BMPR2: variants seen among roughly 807,000 people sequenced by gnomAD.
The protein encoded by BMPR2 is bone morphogenetic protein receptor type 2, also known as bone morphogenetic protein receptor type-2.
In BMPR2, 29 loss-of-function variants were observed where a neutral mutation model predicts 100.8. That is an observed-to-expected ratio of 0.29 (90% confidence interval 0.21 to 0.39). The LOEUF (loss-of-function observed/expected upper bound fraction) is 0.39, where lower values mean the gene tolerates loss of function less well. Among genes scored for constraint, BMPR2 ranks in the 10% least tolerant of loss-of-function variants. The pLI, the probability that BMPR2 is intolerant of heterozygous loss-of-function variation, is 1.00. For missense variants in BMPR2, 1,011 were observed against 1,274.5 expected (o/e 0.79, Z 3.15); for synonymous variants, 382 against 442.3 (o/e 0.86, Z 1.71).
chr2:202,389,299 G>C (rs1053216390), intron 1 of BMPR2, among the ~76,000 whole-genome samples: 1 of 151,728 alleles, frequency 6.6e-6, no homozygotes, highest in African/African-American at 2.4e-5. Context: ...AGGCCAGGGC[G>C]GGCAGATCAT....
intron 5 of BMPR2, among the ~76,000 whole-genome samples, chr2:202,516,145 T>C (rs1444284931): frequency 2.0e-5 from 3 of 152,182 alleles, no homozygotes; most frequent in Non-Finnish European, 4.4e-5. Context: ...TGAGTGTTTT[T>C]ATATTTATTA....
rs1473204940 is a variant in BMPR2, at chr2:202,376,331, C to G, written c.-1144C>G. Among the ~76,000 whole-genome samples the G allele has an allele frequency of 2.7e-5, 4 of 146,660 alleles. No homozygotes were observed. Among genetic ancestry groups the G allele is most frequent in the Non-Finnish European group, 6.0e-5 (4 of 66,392 alleles). On this transcript the variant is annotated 5_prime_UTR_variant, in exon 1 of 13. Transcript: ENST00000374580. ...CCGCAGACTGGCAGCTGCGGCGACT[C>G]CCCCCTTTGTGTCTGGTCTGCTCGG... is the stretch of plus-strand genomic sequence containing the variant.
chr2:202,391,417 C>G (rs1690546869), intron 1 of BMPR2, among the ~76,000 whole-genome samples: 1 of 151,786 alleles, frequency 6.6e-6, no homozygotes, highest in African/African-American at 2.4e-5. Context: ...GTGATCCTCC[C>G]ACCTCAGCCT....
chr2:202,417,448 A>G (rs745336804), intron 1 of BMPR2, among the ~76,000 whole-genome samples: 4 of 151,948 alleles, frequency 2.6e-5, no homozygotes, highest in Admixed American at 6.6e-5. Flanking sequence ...GATTACAGGC[A>G]TGCGCCACCA....
At chr2:202,522,506 CA>C (rs770945860) in intron 7 of BMPR2, among the ~76,000 whole-genome samples, 413 of 107,276 alleles carry the variant, frequency 3.8e-3, no homozygotes, top group Middle Eastern at 0.013. Context: ...GACTCCCTCT[CA>C]AAAAAAAAAA....
rs1267099610 is a variant in BMPR2 at position 202,495,734 on chromosome 2, CAT to C, written c.419-17984_419-17983del. ...CACTGTTCCCTTCCCAGCACTATAA[CAT>C]GTTTAAAATGTTTTAAAACTTTTTT... On this transcript the variant is annotated intron_variant, in intron 3 of 12. Coordinates refer to ENST00000374580, the MANE Select transcript of BMPR2 (RefSeq NM_001204.7). The surrounding 1 kb of genome is among the most constrained non-coding windows in gnomAD (Gnocchi z 4.5). Among the ~76,000 whole-genome samples the C allele has an allele frequency of 2.2e-4, 33 of 152,274 alleles. No individual in the cohort carries two copies. The highest frequency in any genetic ancestry group is 7.7e-4 in the African/African-American group (32 of 41,560).
At chr2:202,523,256 A>G (rs1687851621) in intron 7 of BMPR2, among the ~76,000 whole-genome samples, 1 of 152,238 alleles carries the variant, frequency 6.6e-6, no homozygotes, top group Non-Finnish European at 1.5e-5. Flanking sequence ...GACTGGAGAA[A>G]GCGGAACACT....
At chr2:202,540,959 C>G (rs563393974) in intron 9 of BMPR2, among the ~76,000 whole-genome samples, 3 of 151,966 alleles carry the variant, frequency 2.0e-5, no homozygotes, top group Admixed American at 1.3e-4. Flanking sequence ...GAGTGTTGGT[C>G]CCAGGGGTCT....
intron 1 of BMPR2, among the ~76,000 whole-genome samples, chr2:202,379,730 A>T (rs1436062223): frequency 6.6e-6 from 1 of 152,250 alleles, no homozygotes; most frequent in Admixed American, 6.5e-5. Flanking sequence ...AATAAATCCT[A>T]GAAGACTGAT....
chr2:202,394,062 A>G (rs1472485694), intron 1 of BMPR2, among the ~76,000 whole-genome samples: 1 of 151,712 alleles, frequency 6.6e-6, no homozygotes, highest in African/African-American at 2.4e-5. Flanking sequence ...ATAAAAGATT[A>G]CTCCTGGCCG....
intron 9 of BMPR2, among the ~76,000 whole-genome samples, chr2:202,537,585 A>G (rs1293766701): frequency 6.6e-6 from 1 of 152,110 alleles, no homozygotes; most frequent in Non-Finnish European, 1.5e-5. Context: ...AGTTCTAGAA[A>G]TGGTTAGTAG....
rs1388262017 is a variant in BMPR2, at chr2:202,376,347, G to A, written c.-1128G>A. 6.8e-6 allele frequency among the ~76,000 whole-genome samples: 1 copy of A among 147,398 alleles called. No homozygotes were observed. Among genetic ancestry groups the A allele is most frequent in the East Asian group, 2.1e-4 (1 of 4,702 alleles). ...GCGGCGACTCCCCCCTTTGTGTCTG[G>A]TCTGCTCGGAGCCACTGGAAGTGCC... On this transcript the variant is annotated 5_prime_UTR_variant, in exon 1 of 13. Transcript: ENST00000374580.
At position 202,421,761 on chromosome 2, in the gene BMPR2, C is replaced by T. The variant is rs945865910; in HGVS notation, c.77-43048C>T. 4.7e-5 allele frequency among the ~76,000 whole-genome samples: 7 copies of T among 148,642 alleles called. No individual in the cohort carries two copies. In the East Asian group the frequency reaches 1.4e-3, roughly 29 times the overall value. On this transcript the variant is annotated intron_variant, in intron 1 of 12. Transcript: ENST00000374580. ...TAAAAAAAAAAAAAAGTCACTTCCA[C>T]TAGAAGATTCATAGATGTTGGGAAA...
intron 1 of BMPR2, among the ~76,000 whole-genome samples, chr2:202,457,555 TATATATAGAG>T (rs769704616): frequency 0.029 from 2,850 of 99,906 alleles, 89 homozygotes; most frequent in African/African-American, 0.11. Flanking sequence ...TATATATATA[TATATATAGAG>T]AGAGAGAGAG....
chr2:202,558,887 C>T (rs1440005466), intron 12 of BMPR2, among the ~76,000 whole-genome samples: 1 of 119,880 alleles, frequency 8.3e-6, no homozygotes, highest in Non-Finnish European at 1.8e-5. Flanking sequence ...AATGAAACTC[C>T]ATCTCAAAAA....
intron 1 of BMPR2, among the ~76,000 whole-genome samples, chr2:202,402,971 G>A (rs1690797283): frequency 6.6e-6 from 1 of 151,468 alleles, no homozygotes; most frequent in Non-Finnish European, 1.5e-5. Flanking sequence ...TGGGATTACA[G>A]GCATGCGCCA....
At chr2:202,542,563 A>ACAATGC in intron 10 of BMPR2, 116 bp downstream of exon 10, 6 of 1,228,104 alleles carry the variant, frequency 4.9e-6, no homozygotes, top group Non-Finnish European at 6.9e-6. Flanking sequence ...GCCTAATGCC[A>ACAATGC]CAAATCAAAC....
chr2:202,471,835 A>G (rs1337777026), intron 3 of BMPR2, among the ~76,000 whole-genome samples: 2 of 152,168 alleles, frequency 1.3e-5, no homozygotes, highest in South Asian at 2.1e-4. Context: ...GAGAATAACC[A>G]TATTCTTAGG....
chr2:202,508,070 CTATTATTATTATTATTATTATTATTAT>C (rs4032712), intron 3 of BMPR2, among the ~76,000 whole-genome samples: 1 of 139,774 alleles, frequency 7.2e-6, no homozygotes. Context: ...TCATTTGAGG[CTATTATTATTATTATTATTATTATTAT>C]TATTATTATT....
Sources: allele counts gnomAD v4.1 joint callset (sites outside exome capture counted in the v4.1 genomes callset), GRCh38; gene constraint gnomAD v4.1.1; non-coding constraint Gnocchi (gnomAD v3.1); transcripts MANE v1.5; gene names NCBI Gene and HGNC (gene_info 2026-07-23, HGNC 2026-07-21).